Variants in A4GALT observed in about 807,000 individuals in gnomAD.
A4GALT encodes alpha 1,4-galactosyltransferase (P1PK blood group).
For synonymous variants in A4GALT, 257 were observed against 220.7 expected (o/e 1.16, Z -1.46); for missense variants, 512 against 486.0 (o/e 1.05, Z -0.50).
chr22:42,711,152 G>A (rs886468485), intron 1 of A4GALT, among the ~76,000 whole-genome samples: 5 of 151,924 alleles, frequency 3.3e-5, no homozygotes, highest in African/African-American at 9.7e-5. Context: ...AAACAAAATG[G>A]GCCAAAGACA....
intron 1 of A4GALT, among the ~76,000 whole-genome samples, chr22:42,717,309 C>T (rs1167355712): frequency 2.0e-5 from 3 of 152,188 alleles, no homozygotes; most frequent in Non-Finnish European, 4.4e-5. Flanking sequence ...TGCTTTGAAC[C>T]TGGCCCTGCA....
chr22:42,698,479 G>A (rs938776904), intron 1 of A4GALT, among the ~76,000 whole-genome samples: 9 of 152,192 alleles, frequency 5.9e-5, no homozygotes, highest in Non-Finnish European at 1.0e-4. Context: ...TACCCCTCCA[G>A]CCCTGTGTCC....
intron 1 of A4GALT, among the ~76,000 whole-genome samples, chr22:42,719,749 A>C (rs1481592724): frequency 6.6e-6 from 1 of 152,136 alleles, no homozygotes; most frequent in East Asian, 1.9e-4. Flanking sequence ...GTCTTTGGGC[A>C]GCTGGTGGCG....
Position 42,707,982 on chromosome 22 carries a change from G to A in A4GALT, c.-187-12351C>T, listed in dbSNP as rs533252661. On this transcript the variant is annotated intron_variant, in intron 1 of 2. Coordinates refer to ENST00000642412, the MANE Select transcript of A4GALT (RefSeq NM_017436.7). Reference sequence around the variant, plus strand: ...AAAAAAAAAAAAAAAGGCTGGGTGCGGTGGCTCACGCCTGTAATCCCAGCA... The same window carrying A: ...AAAAAAAAAAAAAAAGGCTGGGTGCAGTGGCTCACGCCTGTAATCCCAGCA... 6.6e-5 allele frequency among the ~76,000 whole-genome samples: 10 copies of A among 151,142 alleles called. No individual in the cohort carries two copies. The South Asian group carries it at 1.5e-3, about 22-fold the overall frequency.
intron 1 of A4GALT, among the ~76,000 whole-genome samples, chr22:42,698,246 CAAAAA>C (rs11420129): frequency 1.5e-5 from 2 of 136,072 alleles, no homozygotes; most frequent in Non-Finnish European, 1.6e-5. Context: ...GACTCCGTCT[CAAAAA>C]AAAAAAAAAA....
At chr22:42,695,244 G>C (rs915169866) in intron 2 of A4GALT, 6 of 152,232 alleles carry the variant, frequency 3.9e-5, no homozygotes, top group Admixed American at 1.3e-4. Flanking sequence ...CAGCAAGCCC[G>C]AGGGGCAGTT....
intron 1 of A4GALT, among the ~76,000 whole-genome samples, chr22:42,720,544 G>C (rs1464145971): frequency 6.6e-6 from 1 of 152,118 alleles, no homozygotes; most frequent in African/African-American, 2.4e-5. Flanking sequence ...TCCTGCCCGC[G>C]AGGGCCGGGG....
chr22:42,714,490 G>C (rs1461680894), intron 1 of A4GALT, among the ~76,000 whole-genome samples: 2 of 151,722 alleles, frequency 1.3e-5, no homozygotes, highest in Non-Finnish European at 2.9e-5. Flanking sequence ...TAGGAGGATG[G>C]TTTGCGCCCA....
At chr22:42,706,878 AATG>A (rs1460910753) in intron 1 of A4GALT, among the ~76,000 whole-genome samples, 1 of 152,176 alleles carries the variant, frequency 6.6e-6, no homozygotes, top group Non-Finnish European at 1.5e-5. Flanking sequence ...CTTAATATAA[AATG>A]ATGCAAAATC....
At position 42,692,661 on chromosome 22, in the gene A4GALT, C is replaced by T. The variant is rs952138985; in HGVS notation, c.*229G>A. 12 of 676,908 alleles carry T rather than the reference C, an allele frequency of 1.8e-5. No homozygotes were observed. Among genetic ancestry groups the T allele is most frequent in the South Asian group, 3.0e-5 (2 of 66,604 alleles). The allele number at this position is 676,908 out of a possible 1,614,324, so 41.9% of individuals were successfully genotyped here. A position where few individuals can be genotyped will look rare whatever the true frequency, so the allele number is the denominator to read the frequency against. Reference sequence around the variant, plus strand: ...TAGAAGGCCCGGGGCACTCACTGAGCGCCCTCCGCTGGCTATGGCACCATG... The same window carrying T: ...TAGAAGGCCCGGGGCACTCACTGAGTGCCCTCCGCTGGCTATGGCACCATG... On this transcript the variant is annotated 3_prime_UTR_variant, in exon 3 of 3. Transcript: ENST00000642412. The surrounding 1 kb of genome is among the most constrained non-coding windows in gnomAD (Gnocchi z 4.6).
intron 1 of A4GALT, among the ~76,000 whole-genome samples, chr22:42,711,790 C>T (rs758351514): frequency 7.2e-5 from 11 of 152,232 alleles, no homozygotes; most frequent in Non-Finnish European, 1.2e-4. Flanking sequence ...CGTGCCACCA[C>T]GCCTGGCTAA....
At chr22:42,718,806 G>A (rs902906533) in intron 1 of A4GALT, among the ~76,000 whole-genome samples, 2 of 152,164 alleles carry the variant, frequency 1.3e-5, no homozygotes, top group African/African-American at 4.8e-5. Context: ...AAAATGCAGG[G>A]TGATCAACAG....
intron 1 of A4GALT, among the ~76,000 whole-genome samples, chr22:42,700,007 A>T (rs910302): frequency 0.29 from 44,675 of 152,034 alleles, 6,928 homozygotes; most frequent in South Asian, 0.39. Context: ...TGGTTCTGTT[A>T]ATTTGGAGAA....
chr22:42,710,216 A>C (rs558507255), intron 1 of A4GALT, among the ~76,000 whole-genome samples: 2 of 152,240 alleles, frequency 1.3e-5, no homozygotes, highest in East Asian at 1.9e-4. Context: ...TGCTATTTTC[A>C]TATGATATTA....
chr22:42,704,516 T>TA (rs869299344), intron 1 of A4GALT, among the ~76,000 whole-genome samples: 34 of 145,910 alleles, frequency 2.3e-4, no homozygotes, highest in East Asian at 4.0e-4. Context: ...TAAAAAAAAT[T>TA]AAAAAAAAAA....
At chr22:42,708,030 G>C (rs1921309147) in intron 1 of A4GALT, among the ~76,000 whole-genome samples, 1 of 151,616 alleles carries the variant, frequency 6.6e-6, no homozygotes, top group Non-Finnish European at 1.5e-5. Context: ...GAGCCAGGCA[G>C]ATCACCTGAG....
Sources: gnomAD v4.1 joint callset for allele counts (sites outside exome capture counted in the v4.1 genomes callset) on GRCh38, gnomAD v4.1.1 for gene constraint, Gnocchi (gnomAD v3.1) non-coding constraint, MANE v1.5 for transcripts, NCBI Gene and HGNC (gene_info 2026-07-23, HGNC 2026-07-21) for gene names.